APLP2: variants seen among roughly 807,000 people sequenced by gnomAD.
APLP2 encodes CDEI box-binding protein.
In APLP2, 53 loss-of-function variants were observed where a neutral mutation model predicts 89.9. That is an observed-to-expected ratio of 0.59 (90% CI 0.47 to 0.74). APLP2 has a LOEUF of 0.74. Among genes scored for constraint, APLP2 ranks in the 30% least tolerant of loss-of-function variants. The probability of loss-of-function intolerance (pLI) is 0.00; values close to 1 mark genes in which losing one functional copy is unlikely to be tolerated. For synonymous variants in APLP2, 372 were observed against 348.6 expected, an observed-to-expected ratio of 1.07 and a Z score of -0.75; for missense variants, 973 against 975.9, an observed-to-expected ratio of 1.00 and a Z score of 0.04.
intron 3 of APLP2, among the ~76,000 whole-genome samples, chr11:130,118,980 A>G (rs1386944580): frequency 6.6e-6 from 1 of 152,094 alleles, no homozygotes; most frequent in Non-Finnish European, 1.5e-5. Flanking sequence ...ATCTTCCCCT[A>G]CTTACACATC....
chr11:130,079,344 C>T (rs1942743966), intron 1 of APLP2, among the ~76,000 whole-genome samples: 1 of 152,104 alleles, frequency 6.6e-6, no homozygotes, highest in Non-Finnish European at 1.5e-5. Context: ...GATGATCCTC[C>T]CGCCTTGGCC....
intron 12 of APLP2, among the ~76,000 whole-genome samples, chr11:130,134,671 A>C (rs1411774943): frequency 1.3e-5 from 2 of 152,238 alleles, no homozygotes; most frequent in Non-Finnish European, 2.9e-5. Context: ...TTAGAAATTC[A>C]GGAGAGAGCT....
chr11:130,085,749 C>T (rs1944012864), intron 1 of APLP2, among the ~76,000 whole-genome samples: 1 of 152,178 alleles, frequency 6.6e-6, no homozygotes, highest in South Asian at 2.1e-4. Flanking sequence ...TTTCTATTCC[C>T]CTGGATCCCC....
intron 8 of APLP2, 79 bp downstream of exon 8, chr11:130,126,909 G>A (rs1288394079): frequency 2.5e-6 from 4 of 1,581,490 alleles, no homozygotes; most frequent in Admixed American, 1.7e-5. Context: ...AAAAGTAATA[G>A]CTTCTCCCTA....
Position 130,121,745 on chromosome 11 carries a change from G to GGAAGAT in APLP2, c.653_654insTGAAGA (p.Glu217_Glu218insAspGlu). On this transcript the variant is annotated inframe_insertion, in exon 5 of 17. Transcript: ENST00000338167. ...TTATTGGATCTGTGTCAAAAGAAGA[G>GGAAGAT]GAAGAGGAAGATGAAGAGGAAGAGG... The GGAAGAT allele has an allele frequency of 1.2e-6, 2 of 1,610,472 alleles. No homozygotes were observed. The highest frequency in any genetic ancestry group is 1.7e-6 in the Non-Finnish European group (2 of 1,179,134).
intron 3 of APLP2, among the ~76,000 whole-genome samples, chr11:130,116,496 CTTTTTCTTTT>C (rs1949181858): frequency 6.6e-6 from 1 of 151,472 alleles, no homozygotes; most frequent in Non-Finnish European, 1.5e-5. Context: ...TTCTTTTTTT[CTTTTTCTTTT>C]TAAGACAGGG....
At chr11:130,138,911 T>C (rs1313205326) in intron 13 of APLP2, 1 of 152,136 alleles carries the variant, frequency 6.6e-6, no homozygotes, top group Admixed American at 6.5e-5. Context: ...AGTAGACCTT[T>C]AGTTTGCTCA....
Position 130,141,703 on chromosome 11 carries a change from T to C in APLP2, c.1998+131T>C. 1 of 936,610 alleles carries C rather than the reference T, an allele frequency of 1.1e-6. No homozygotes were observed. Among genetic ancestry groups the C allele is most frequent in the Non-Finnish European group, 1.6e-6 (1 of 627,660 alleles). 58.0% of individuals were successfully genotyped at this position (936,610 alleles called of 1,614,324 possible). On this transcript the variant is annotated intron_variant, in intron 15 of 16. Transcript: ENST00000338167. The surrounding 1 kb of genome is among the most constrained non-coding windows in gnomAD (Gnocchi z 4.2). ...AGGGTCCCTCATCCCCAGCTTTCCG[T>C]ACTTTTGGATAAGAAAGCTAAAATT... is the stretch of plus-strand genomic sequence containing the variant.
intron 1 of APLP2, among the ~76,000 whole-genome samples, chr11:130,079,970 T>C (rs1368288210): frequency 6.6e-6 from 1 of 152,220 alleles, no homozygotes; most frequent in East Asian, 1.9e-4. Context: ...TTGCCAAGTA[T>C]AAGATGATGA....
chr11:130,128,974 G>A (rs1950648365), intron 9 of APLP2, 74 bp from the exon 10 acceptor site: 1 of 1,512,254 alleles, frequency 6.6e-7, no homozygotes, highest in Admixed American at 2.0e-5. Context: ...GAGAAGCACT[G>A]GGGTCTCAGG....
chr11:130,073,505 G>A (rs1941521708), intron 1 of APLP2, among the ~76,000 whole-genome samples: 1 of 152,178 alleles, frequency 6.6e-6, no homozygotes, highest in Non-Finnish European at 1.5e-5. Flanking sequence ...AATTTTGAAT[G>A]TGTTGATTTT....
At chr11:130,130,818 G>T (rs1950865401) in intron 11 of APLP2, among the ~76,000 whole-genome samples, 1 of 152,178 alleles carries the variant, frequency 6.6e-6, no homozygotes, top group Admixed American at 6.5e-5. Flanking sequence ...TGAGTGTCAG[G>T]GTACATGGGC....
Position 130,069,946 on chromosome 11 carries a change from G to A in APLP2, c.-32G>A. 6.8e-7 allele frequency: 1 copy of A among 1,476,488 alleles called. No individual in the cohort carries two copies. The highest frequency in any genetic ancestry group is 9.0e-7 in the Non-Finnish European group (1 of 1,108,288). The allele number at this position is 1,476,488 out of a possible 1,614,324, so 91.5% of individuals were successfully genotyped here. ...GCGAGGAGTCCGAGTGTGTGAGCTTGAGAGCCGCGCGCTAGAGCGACCCGG... is the reference window on the plus strand; with the variant it reads ...GCGAGGAGTCCGAGTGTGTGAGCTTAAGAGCCGCGCGCTAGAGCGACCCGG... On this transcript the variant is annotated 5_prime_UTR_variant, in exon 1 of 17. Transcript: ENST00000338167.
intron 1 of APLP2, among the ~76,000 whole-genome samples, chr11:130,096,589 A>G (rs556861799): frequency 6.6e-6 from 1 of 152,234 alleles, no homozygotes; most frequent in South Asian, 2.1e-4. Flanking sequence ...GTGGTGCTGC[A>G]CGTCTGTGGT....
At chr11:130,142,687 C>T (rs2136171464) in intron 16 of APLP2, among the ~76,000 whole-genome samples, 1 of 152,254 alleles carries the variant, frequency 6.6e-6, no homozygotes, top group African/African-American at 2.4e-5. Context: ...GATCTCAGCG[C>T]ACTGCAACCT....
At chr11:130,079,390 C>T (rs770449323) in intron 1 of APLP2, among the ~76,000 whole-genome samples, 16 of 152,186 alleles carry the variant, frequency 1.1e-4, no homozygotes, top group South Asian at 2.1e-4. Flanking sequence ...TGAGCCACTA[C>T]GCCCGGCCCA....
chr11:130,074,707 T>A (rs557303493), intron 1 of APLP2, among the ~76,000 whole-genome samples: 82 of 152,352 alleles, frequency 5.4e-4, no homozygotes, highest in African/African-American at 1.9e-3. Flanking sequence ...TGTAATATTG[T>A]ATATACCCTT....
chr11:130,091,400 C>A, intron 1 of APLP2, among the ~76,000 whole-genome samples: 1 of 145,520 alleles, frequency 6.9e-6, no homozygotes, highest in Admixed American at 6.7e-5. Flanking sequence ...GATGGGGCGG[C>A]TGGCCGGGCA....
chr11:130,079,921 G>C (rs1415367422), intron 1 of APLP2, among the ~76,000 whole-genome samples: 1 of 152,158 alleles, frequency 6.6e-6, no homozygotes, highest in African/African-American at 2.4e-5. Context: ...AAAGATTCTT[G>C]TCATGAATGA....
Sources: allele counts gnomAD v4.1 joint callset (sites outside exome capture counted in the v4.1 genomes callset), GRCh38; gene constraint gnomAD v4.1.1; non-coding constraint Gnocchi (gnomAD v3.1); transcripts MANE v1.5; gene names NCBI Gene and HGNC (gene_info 2026-07-23, HGNC 2026-07-21).